The following GALNT2 variants were observed in gnomAD, a reference collection of about 807,000 sequenced individuals.
The protein encoded by GALNT2 is polypeptide N-acetylgalactosaminyltransferase 2, also known as UDP-GalNAc:polypeptide N-acetylgalactosaminyltransferase 2.
GALNT2 carries 31 observed loss-of-function variants against 81.4 expected under a neutral mutation model. The observed-to-expected ratio is 0.38, with a 90% confidence interval of 0.29 to 0.51. The LOEUF is 0.51. GALNT2 is among the 20% of genes least tolerant of loss of function. The probability of loss-of-function intolerance (pLI) is 0.87; values close to 1 mark genes in which losing one functional copy is unlikely to be tolerated. For missense variants in GALNT2, 629 were observed against 765.7 expected, an observed-to-expected ratio of 0.82 and a Z score of 2.11; for synonymous variants, 303 against 287.4, an observed-to-expected ratio of 1.05 and a Z score of -0.55.
chr1:230,164,271 A>AGGCCGGT (rs1662529500), intron 1 of GALNT2, among the ~76,000 whole-genome samples: 1 of 152,150 alleles, frequency 6.6e-6, no homozygotes, highest in African/African-American at 2.4e-5. Context: ...TACCCAGTAG[A>AGGCCGGT]GGCCGGTGCT....
At chr1:230,174,926 T>G (rs1421130300) in intron 1 of GALNT2, among the ~76,000 whole-genome samples, 24 of 152,230 alleles carry the variant, frequency 1.6e-4, no homozygotes, top group Admixed American at 1.2e-3. Context: ...GAGGTACCAC[T>G]TCCGTGTACA....
chr1:230,270,002 C>G (rs1666128088), intron 14 of GALNT2, among the ~76,000 whole-genome samples: 1 of 152,124 alleles, frequency 6.6e-6, no homozygotes. Context: ...GAGTTCGAGA[C>G]CAGCCTGGCC....
chr1:230,092,925 A>G (rs1270158922), intron 1 of GALNT2, among the ~76,000 whole-genome samples: 1 of 152,134 alleles, frequency 6.6e-6, no homozygotes, highest in East Asian at 1.9e-4. Context: ...TTAACACTGA[A>G]CACCCACCCC....
Position 230,093,040 on chromosome 1 carries a change from T to C in GALNT2, c.126+25634T>C, listed in dbSNP as rs192427134. Among the ~76,000 whole-genome samples, 731 of 152,280 alleles carry C rather than the reference T, an allele frequency of 4.8e-3. 10 individuals carry two copies. The highest frequency in any genetic ancestry group is 0.016 in the African/African-American group (682 of 41,558). ...TACCCCCATCTATAGGTCAAGAACC[T>C]GAAACCCAAAGTGCTGGCCGATTGT... On this transcript the variant is annotated intron_variant, in intron 1 of 15. Transcript: ENST00000366672.
chr1:230,257,895 G>A lies in GALNT2; in HGVS notation c.1136+2551G>A, dbSNP rs1665763318. On this transcript the variant is annotated intron_variant, in intron 11 of 15. Transcript: ENST00000366672. The surrounding 1 kb of genome is among the most constrained non-coding windows in gnomAD (Gnocchi z 4.6). Reference sequence around the variant, plus strand: ...AAAGCCTTGGGGTGGGTGTGGGTGTGGGGATTGCTAGCTTATCTTTTGTCT... The same window carrying A: ...AAAGCCTTGGGGTGGGTGTGGGTGTAGGGATTGCTAGCTTATCTTTTGTCT... Among the ~76,000 whole-genome samples the A allele has an allele frequency of 1.3e-5, 2 of 152,138 alleles. No individual in the cohort carries two copies. Among genetic ancestry groups the A allele is most frequent in the Non-Finnish European group, 2.9e-5 (2 of 68,028 alleles).
At chr1:230,171,333 G>C (rs1339251977) in intron 1 of GALNT2, among the ~76,000 whole-genome samples, 1 of 152,198 alleles carries the variant, frequency 6.6e-6, no homozygotes, top group African/African-American at 2.4e-5. Context: ...TGAGAAATGG[G>C]CTGTGAAATA....
chr1:230,245,992 T>C, intron 7 of GALNT2, 71 bp from the exon 8 acceptor site: 1 of 1,267,120 alleles, frequency 7.9e-7, no homozygotes, highest in Non-Finnish European at 1.2e-6. Flanking sequence ...CTAATACTAA[T>C]GCCTTCTGTG....
intron 1 of GALNT2, among the ~76,000 whole-genome samples, chr1:230,160,069 G>A (rs1046508212): frequency 2.6e-5 from 4 of 152,148 alleles, no homozygotes; most frequent in Admixed American, 1.3e-4. Flanking sequence ...TCACTGATCA[G>A]ACGATTATCC....
At chr1:230,106,286 G>C (rs934354586) in intron 1 of GALNT2, among the ~76,000 whole-genome samples, 8 of 152,176 alleles carry the variant, frequency 5.3e-5, no homozygotes, top group African/African-American at 1.9e-4. Flanking sequence ...ATTGCCTAAA[G>C]ATTTCAGTCT....
chr1:230,080,662 G>A (rs948210956), intron 1 of GALNT2, among the ~76,000 whole-genome samples: 2 of 152,186 alleles, frequency 1.3e-5, no homozygotes, highest in African/African-American at 4.8e-5. Flanking sequence ...ATGGCAGAGA[G>A]GATGCATAGC....
intron 2 of GALNT2, among the ~76,000 whole-genome samples, chr1:230,202,362 C>T (rs1002588233): frequency 2.0e-5 from 3 of 152,208 alleles, no homozygotes; most frequent in East Asian, 1.9e-4. Context: ...GCTCCTTGGT[C>T]GCCAACACTG....
chr1:230,265,576 A>T (rs1308585220), intron 14 of GALNT2, among the ~76,000 whole-genome samples: 2 of 152,206 alleles, frequency 1.3e-5, no homozygotes, highest in African/African-American at 4.8e-5. Flanking sequence ...CAGCTCTGTC[A>T]TCAGCTTCGG....
intron 15 of GALNT2, among the ~76,000 whole-genome samples, chr1:230,278,967 A>T (rs548495908): frequency 1.3e-5 from 2 of 152,168 alleles, no homozygotes; most frequent in South Asian, 4.1e-4. Flanking sequence ...AAGGCATGCA[A>T]ATTCCCCTAC....
chr1:230,127,846 A>G (rs1230962665), intron 1 of GALNT2, among the ~76,000 whole-genome samples: 2 of 152,054 alleles, frequency 1.3e-5, no homozygotes, highest in African/African-American at 4.8e-5. Flanking sequence ...CCTCATTACC[A>G]CGGTATTGCT....
chr1:230,190,473 A>G (rs1663485861), intron 2 of GALNT2, among the ~76,000 whole-genome samples: 1 of 152,220 alleles, frequency 6.6e-6, no homozygotes. Flanking sequence ...GTTTTATCCC[A>G]CATTCAAAGT....
In GALNT2 at chr1:230,175,490, C is replaced by G. The variant is rs888091030; in HGVS notation, c.127-2728C>G. ...GTGTCCAGAGTGGGGCTTGGCACCT[C>G]GTAAATACTGTGTTAGGCAGCAGTC... On this transcript the variant is annotated intron_variant, in intron 1 of 15. Transcript: ENST00000366672. Among the ~76,000 whole-genome samples the G allele has an allele frequency of 3.3e-5, 5 of 151,984 alleles. No individual in the cohort carries two copies. In the East Asian group the frequency reaches 7.8e-4, roughly 24 times the overall value.
chr1:230,208,161 A>T (rs984831519), intron 3 of GALNT2, among the ~76,000 whole-genome samples: 3 of 152,204 alleles, frequency 2.0e-5, no homozygotes, highest in African/African-American at 7.2e-5. Flanking sequence ...TTTTGTAGTA[A>T]GTGTTTGTTT....
chr1:230,163,326 G>A (rs1337408271), intron 1 of GALNT2, among the ~76,000 whole-genome samples: 3 of 152,234 alleles, frequency 2.0e-5, no homozygotes, highest in Non-Finnish European at 4.4e-5. Flanking sequence ...CATGGACTCC[G>A]TGGGGCTGAG....
intron 3 of GALNT2, among the ~76,000 whole-genome samples, chr1:230,211,999 T>C (rs1664248500): frequency 6.6e-6 from 1 of 152,092 alleles, no homozygotes; most frequent in Admixed American, 6.6e-5. Flanking sequence ...TGGAACATGT[T>C]TGGGGAGAGG....
Sources: gnomAD v4.1 joint callset for allele counts (sites outside exome capture counted in the v4.1 genomes callset) on GRCh38, gnomAD v4.1.1 for gene constraint, Gnocchi (gnomAD v3.1) non-coding constraint, MANE v1.5 for transcripts, NCBI Gene and HGNC (gene_info 2026-07-23, HGNC 2026-07-21) for gene names.